PLCH1: variants seen among roughly 807,000 people sequenced by gnomAD.
The protein encoded by PLCH1 is 1-phosphatidylinositol 4,5-bisphosphate phosphodiesterase eta-1.
PLCH1 carries 60 observed loss-of-function variants against 126.7 expected under a neutral mutation model. That is an observed-to-expected ratio of 0.47 (90% CI 0.38 to 0.59). The LOEUF (loss-of-function observed/expected upper bound fraction) is 0.59. Among genes scored for constraint, PLCH1 ranks in the 20% least tolerant of loss-of-function variants. The probability of loss-of-function intolerance (pLI) is 0.00; values close to 1 mark genes in which losing one functional copy is unlikely to be tolerated. For missense variants in PLCH1, 1,723 were observed against 2,040.0 expected (o/e 0.84, Z 2.99); for synonymous variants, 719 against 734.9 (o/e 0.98, Z 0.35).
chr3:155,526,489 TACACACACAC>T lies in PLCH1; in HGVS notation c.1363-2495_1363-2486del, dbSNP rs35144196. The stretch of plus-strand genomic sequence containing the variant: ...TTCTCTCTTCTTTCTCTCTCTCTCA[TACACACACAC>T]ACACACACACACACACACACACACA... On this transcript the variant is annotated intron_variant, in intron 10 of 22. Transcript: ENST00000460012. 5.4e-3 allele frequency among the ~76,000 whole-genome samples: 686 copies of T among 126,656 alleles called. 4 individuals carry two copies. The highest frequency in any genetic ancestry group is 8.7e-3 in the Non-Finnish European group (502 of 57,894). The allele number at this position is 126,656 out of a possible 152,430, so 83.1% of individuals were successfully genotyped here. A position where few individuals can be genotyped will look rare whatever the true frequency, so the allele number is the denominator to read the frequency against.
intron 21 of PLCH1, among the ~76,000 whole-genome samples, chr3:155,470,484 C>A (rs1713159052): frequency 1.3e-5 from 2 of 152,022 alleles, no homozygotes; most frequent in Non-Finnish European, 2.9e-5. Context: ...AGAATGGAAC[C>A]AAGTTGGAAA....
intron 2 of PLCH1, among the ~76,000 whole-genome samples, chr3:155,601,035 C>T (rs1010195416): frequency 2.0e-5 from 3 of 152,158 alleles, no homozygotes; most frequent in African/African-American, 4.8e-5. Flanking sequence ...AGTGCAGTGG[C>T]GTGATCTCGG....
intron 21 of PLCH1, among the ~76,000 whole-genome samples, chr3:155,458,912 T>C (rs1311188275): frequency 1.3e-5 from 2 of 152,214 alleles, no homozygotes; most frequent in Non-Finnish European, 2.9e-5. Flanking sequence ...TTTTCCCCCT[T>C]ACTCTTGCTT....
At chr3:155,581,138 T>C (rs1008589257) in intron 6 of PLCH1, among the ~76,000 whole-genome samples, 1 of 152,206 alleles carries the variant, frequency 6.6e-6, no homozygotes, top group Non-Finnish European at 1.5e-5. Flanking sequence ...TAAGAGCTAG[T>C]GGAAATTTAT....
At chr3:155,704,360 G>C (rs1250502731) in intron 1 of PLCH1, 96 bp from the exon 2 acceptor site, 1 of 398,946 alleles carries the variant, frequency 2.5e-6, no homozygotes, top group African/African-American at 2.1e-5. Context: ...GCATTACGGG[G>C]CAACATATAC....
chr3:155,729,351 C>T (rs1001374956), intron 1 of PLCH1, among the ~76,000 whole-genome samples: 4 of 152,202 alleles, frequency 2.6e-5, no homozygotes, highest in African/African-American at 9.6e-5. Flanking sequence ...AAACTCCAAA[C>T]ATCATCTCTC....
chr3:155,586,736 T>A (rs2108611076), intron 4 of PLCH1, among the ~76,000 whole-genome samples: 1 of 152,266 alleles, frequency 6.6e-6, no homozygotes, highest in South Asian at 2.1e-4. Context: ...GTTCCCTCCA[T>A]TGCGAAATGA....
chr3:155,625,596 C>A (rs1003858014), intron 2 of PLCH1, among the ~76,000 whole-genome samples: 1 of 152,180 alleles, frequency 6.6e-6, no homozygotes, highest in African/African-American at 2.4e-5. Context: ...CAAAAGAAGA[C>A]ATTTATGCAG....
chr3:155,548,638 A>T (rs1725703590), intron 10 of PLCH1, among the ~76,000 whole-genome samples: 1 of 152,268 alleles, frequency 6.6e-6, no homozygotes, highest in Admixed American at 6.5e-5. Context: ...TTACAAGGTT[A>T]TAAAGATGAC....
chr3:155,729,261 A>G (rs377407466), intron 1 of PLCH1, among the ~76,000 whole-genome samples: 9 of 152,184 alleles, frequency 5.9e-5, no homozygotes, highest in African/African-American at 2.2e-4. Context: ...TCCAATTTTC[A>G]TCTTTGCCTG....
At chr3:155,581,656 G>GAGAAT (rs1307316487) in intron 6 of PLCH1, among the ~76,000 whole-genome samples, 1 of 152,020 alleles carries the variant, frequency 6.6e-6, no homozygotes, top group Non-Finnish European at 1.5e-5. Flanking sequence ...GAGAGAAATG[G>GAGAAT]AGAATAATTG....
At chr3:155,617,097 TC>T (rs1363206463) in intron 2 of PLCH1, among the ~76,000 whole-genome samples, 1 of 152,190 alleles carries the variant, frequency 6.6e-6, no homozygotes, top group African/African-American at 2.4e-5. Flanking sequence ...TGTAATTCTG[TC>T]AATATATTAT....
At chr3:155,533,036 T>C (rs1206638510) in intron 10 of PLCH1, among the ~76,000 whole-genome samples, 1 of 152,336 alleles carries the variant, frequency 6.6e-6, no homozygotes, top group Middle Eastern at 3.4e-3. Flanking sequence ...GAAGTCCAGG[T>C]TGAGGTGGTC....
chr3:155,632,441 AG>A (rs1738165381), intron 2 of PLCH1, among the ~76,000 whole-genome samples: 1 of 152,242 alleles, frequency 6.6e-6, no homozygotes, highest in Admixed American at 6.5e-5. Flanking sequence ...TGAACAAATC[AG>A]CTGTAAAGCG....
At chr3:155,699,729 C>T (rs1011361137) in intron 2 of PLCH1, among the ~76,000 whole-genome samples, 1 of 152,014 alleles carries the variant, frequency 6.6e-6, no homozygotes, top group Non-Finnish European at 1.5e-5. Flanking sequence ...GCTTTTCACT[C>T]TTCATTTTTG....
intron 5 of PLCH1, among the ~76,000 whole-genome samples, chr3:155,584,755 T>A (rs942574624): frequency 6.6e-6 from 1 of 152,260 alleles, no homozygotes; most frequent in African/African-American, 2.4e-5. Flanking sequence ...AAAATTTTGC[T>A]AACTTTGGGT....
chr3:155,590,428 A>G (rs1046691669), intron 4 of PLCH1, among the ~76,000 whole-genome samples: 2 of 152,044 alleles, frequency 1.3e-5, no homozygotes, highest in African/African-American at 4.8e-5. Context: ...AATACAAAAA[A>G]TTAGCCGGGC....
chr3:155,545,363 C>A (rs1168961448), intron 10 of PLCH1, among the ~76,000 whole-genome samples: 1 of 151,870 alleles, frequency 6.6e-6, no homozygotes, highest in East Asian at 1.9e-4. Flanking sequence ...CTGAATAGAC[C>A]AATAACAGGC....
At chr3:155,618,480 T>G (rs1736062464) in intron 2 of PLCH1, among the ~76,000 whole-genome samples, 3 of 152,324 alleles carry the variant, frequency 2.0e-5, no homozygotes, top group South Asian at 4.1e-4. Flanking sequence ...CTGGATAGAC[T>G]GTTAAAGAAT....
Sources: allele counts gnomAD v4.1 joint callset (sites outside exome capture counted in the v4.1 genomes callset), GRCh38; gene constraint gnomAD v4.1.1; transcripts MANE v1.5; gene names NCBI Gene and HGNC (gene_info 2026-07-23, HGNC 2026-07-21).